CHD3: variants seen among roughly 807,000 people sequenced by gnomAD.
CHD3 encodes chromodomain helicase DNA binding protein 3.
CHD3 carries 52 observed loss-of-function variants against 248.9 expected under a neutral mutation model. The observed-to-expected ratio is 0.21, with a 90% CI of 0.17 to 0.26. CHD3 has a LOEUF of 0.26. Ranked by LOEUF, CHD3 falls within the 10% of genes least tolerant of loss-of-function variation. CHD3 has a pLI of 1.00. For synonymous variants in CHD3, 985 were observed against 985.2 expected (o/e 1.00, Z 0.00); for missense variants, 1,482 against 2,605.8 (o/e 0.57, Z 9.39).
Position 7,898,004 on chromosome 17 carries a change from A to G in CHD3, c.1953A>G (p.Val651=). ...AAAAGGGGAATTACCACTATCTAGTAAAATGGAGGGACTTACCATATGACC... is the reference window on the plus strand; with the variant it reads ...AAAAGGGGAATTACCACTATCTAGTGAAATGGAGGGACTTACCATATGACC... ...VDKKGNYHYL[V]KWRDLPYDQS... is the part of the protein sequence containing the mutation. Residue 651 remains valine, a synonymous_variant, in exon 12 of 40, where the codon GTA becomes GTG. Transcript: ENST00000330494. The G allele has an allele frequency of 6.2e-7, 1 of 1,614,126 alleles. No homozygotes were observed. Among genetic ancestry groups the G allele is most frequent in the Non-Finnish European group, 8.5e-7 (1 of 1,179,974 alleles).
rs1969245509 is a variant in CHD3 at position 7,893,850 on chromosome 17, G to A, written c.839G>A (p.Gly280Glu). ...RRSKSPRVPD[G>E]RKKLRGKKMA... ...AGTAAGAGCCCCCGAGTGCCTGATG[G>A]ACGCAAGAAGCTTCGGGGAAAGAAA... The change falls in exon 6 of 40, where the codon GGA (glycine) becomes GAA (glutamate). Residue 280 changes from glycine (G) to glutamate (E), a missense_variant. Around this residue, in one of 20 missense-constraint regions of CHD3, gnomAD observed 149 missense variants for 182.6 expected, o/e 0.82. Transcript: ENST00000330494. 1 of 1,614,150 alleles carries A rather than the reference G, an allele frequency of 6.2e-7. No individual in the cohort carries two copies. The highest frequency in any genetic ancestry group is 8.5e-7 in the Non-Finnish European group (1 of 1,180,032).
At chr17:7,885,152 G>A (rs1967595750), upstream of CHD3, 10 of 982,212 alleles carry the variant, frequency 1.0e-5, no homozygotes, top group Non-Finnish European at 1.2e-5. Flanking sequence ...CCGGGCGGGG[G>A]CGAGGCACCC....
chr17:7,890,821 G>A, intron 3 of CHD3, 80 bp downstream of exon 3: 1 of 1,581,726 alleles, frequency 6.3e-7, no homozygotes, highest in East Asian at 2.2e-5. Flanking sequence ...GACTGGACTG[G>A]AGAATGGGGC....
Position 7,897,412 on chromosome 17 carries a change from C to A in CHD3, c.1919+118C>A. The A allele has an allele frequency of 1.1e-6, 1 of 882,726 alleles. No homozygotes were observed. Among genetic ancestry groups the A allele is most frequent in the Non-Finnish European group, 1.8e-6 (1 of 570,766 alleles). The allele number at this position is 882,726 out of a possible 1,614,324, so 54.7% of individuals were successfully genotyped here. On this transcript the variant is annotated intron_variant, in intron 11 of 39. Coordinates refer to ENST00000330494, the MANE Select transcript of CHD3 (RefSeq NM_001005273.3). This position sits in a 1 kb window ranked among gnomAD's most constrained non-coding sequence, Gnocchi z 4.8. ...GTAATTGATCTAACCTTGATAACCT[C>A]TGCTGTAGCTCCAGCCTTTCTGGCC...
Position 7,900,792 on chromosome 17 carries a change from G to C in CHD3, c.2979-60G>C, listed in dbSNP as rs1164258449. The C allele has an allele frequency of 1.2e-6, 2 of 1,610,438 alleles. No homozygotes were observed. Among genetic ancestry groups the C allele is most frequent in the African/African-American group, 1.3e-5 (1 of 74,744 alleles). ...GGGGATTGATGGGAGCGTTCCAAGTGCAATATCATAATTGCTTCCTTTATT... is the reference window on the plus strand; with the variant it reads ...GGGGATTGATGGGAGCGTTCCAAGTCCAATATCATAATTGCTTCCTTTATT... On this transcript the variant is annotated intron_variant, in intron 18 of 39. Transcript: ENST00000330494. The surrounding 1 kb of genome is among the most constrained non-coding windows in gnomAD (Gnocchi z 6.5).
chr17:7,888,763 T>G, upstream of CHD3: 1 of 1,355,182 alleles, frequency 7.4e-7, no homozygotes, highest in Non-Finnish European at 9.5e-7. Context: ...TGAGAAGGCA[T>G]ATGCTGGGTG....
At position 7,911,055 on chromosome 17, in the gene CHD3, C is replaced by T. The variant is rs910889881; in HGVS notation, c.5881+82C>T. ...TTTCTGCTCAGCTGCCCTTTAACTGCTCTAGTCCATCTCATTTCCTTGGTG... is the reference window on the plus strand; with the variant it reads ...TTTCTGCTCAGCTGCCCTTTAACTGTTCTAGTCCATCTCATTTCCTTGGTG... On this transcript the variant is annotated intron_variant, in intron 39 of 39. Coordinates refer to ENST00000330494, the MANE Select transcript of CHD3 (RefSeq NM_001005273.3). This position sits in a 1 kb window ranked among gnomAD's most constrained non-coding sequence, Gnocchi z 5.4. 1.9e-5 allele frequency: 30 copies of T among 1,561,076 alleles called. No individual in the cohort carries two copies. The Middle Eastern group carries it at 5.0e-4, about 26-fold the overall frequency.
At position 7,890,424 on chromosome 17, in the gene CHD3, A is replaced by G. The variant is rs570106053; in HGVS notation, c.214-147A>G. The G allele has an allele frequency of 3.2e-4, 201 of 621,932 alleles. 1 individual carries two copies. The highest frequency in any genetic ancestry group is 3.0e-3 in the South Asian group (126 of 42,062). 38.5% of individuals were successfully genotyped at this position (621,932 alleles called of 1,614,324 possible). A position where few individuals can be genotyped will look rare whatever the true frequency, so the allele number is the denominator to read the frequency against. On this transcript the variant is annotated intron_variant, in intron 2 of 39. Coordinates refer to ENST00000330494, the MANE Select transcript of CHD3 (RefSeq NM_001005273.3). ...AGCATGGGTGACAGAGCAAGACTCC[A>G]TCTCCAAAAAAAAAAAGGAGATAAA...
At position 7,907,471 on chromosome 17, in the gene CHD3, G is replaced by C; in HGVS notation, c.4907G>C (p.Gly1636Ala). 6.3e-7 allele frequency: 1 copy of C among 1,597,854 alleles called. No individual in the cohort carries two copies. The highest frequency in any genetic ancestry group is 8.5e-7 in the Non-Finnish European group (1 of 1,173,282). ...ATGGAGCCTGAACCTGGGTACCGTG[G>C]GGACAGAGAGAAGTCAGGTGGGTGC... Reference protein sequence around the residue: ...GEMEPEPGYRGDREKSATEST... With the variant: ...GEMEPEPGYRADREKSATEST... Residue 1636 changes from glycine (G) to alanine (A), a missense_variant, in exon 32 of 40, where the codon GGG (glycine) becomes GCG (alanine). Coordinates refer to ENST00000330494, the MANE Select transcript of CHD3 (RefSeq NM_001005273.3). This position sits in a 1 kb window ranked among gnomAD's most constrained non-coding sequence, Gnocchi z 4.3.
In CHD3 at chr17:7,901,159, G is replaced by A. The variant is rs764782731; in HGVS notation, c.3121-85G>A. 158 of 1,525,030 alleles carry A rather than the reference G, an allele frequency of 1.0e-4. 1 individual carries two copies. Among genetic ancestry groups the A allele is most frequent in the Non-Finnish European group, 1.2e-4 (136 of 1,133,928 alleles). The allele number at this position is 1,525,030 out of a possible 1,614,324, so 94.5% of individuals were successfully genotyped here. On this transcript the variant is annotated intron_variant, in intron 19 of 39. Transcript: ENST00000330494. Reference sequence around the variant, plus strand: ...TTGGGAACATGTGGAAGCTGGATCCGGGCATCTGGCCTTCTAGGTGTGGCA... The same window carrying A: ...TTGGGAACATGTGGAAGCTGGATCCAGGCATCTGGCCTTCTAGGTGTGGCA...
rs750700699 is a variant in CHD3, at chr17:7,897,195, G to A, written c.1820G>A (p.Arg607His). 22 of 1,614,048 alleles carry A rather than the reference G, an allele frequency of 1.4e-5. No individual in the cohort carries two copies. Among genetic ancestry groups the A allele is most frequent in the Middle Eastern group, 1.6e-4 (1 of 6,084 alleles). ...SGEDDGKSDK[R>H]KVKDPHYAEM... ...GAGGATGATGGGAAGAGCGACAAGCGTAAAGTGAAAGACCCGCACTATGCT... is the reference window on the plus strand; with the variant it reads ...GAGGATGATGGGAAGAGCGACAAGCATAAAGTGAAAGACCCGCACTATGCT... Residue 607 changes from arginine (R) to histidine (H), a missense_variant, in exon 11 of 40, where the codon CGT becomes CAT. Arg to His is a conservative substitution (Grantham distance 29). Around this residue, in one of 20 missense-constraint regions of CHD3, gnomAD observed 127 missense variants for 188.3 expected, o/e 0.67. Coordinates refer to ENST00000330494, the MANE Select transcript of CHD3 (RefSeq NM_001005273.3). This position sits in a 1 kb window ranked among gnomAD's most constrained non-coding sequence, Gnocchi z 4.8.
At chr17:7,893,173 A>G in intron 4 of CHD3, 113 bp from the exon 5 acceptor site, 1 of 1,420,294 alleles carries the variant, frequency 7.0e-7, no homozygotes, top group Admixed American at 3.1e-5. Flanking sequence ...AATAGGACAT[A>G]TTCTCACCAC....
At position 7,889,508 on chromosome 17, in the gene CHD3, C is replaced by T. The variant is rs9889381; in HGVS notation, c.101-156C>T. Among the ~76,000 whole-genome samples, 6,465 of 152,266 alleles carry T rather than the reference C, an allele frequency of 0.042. 485 individuals are homozygous for T. Among genetic ancestry groups the T allele is most frequent in the African/African-American group, 0.15 (6,073 of 41,512 alleles). On this transcript the variant is annotated intron_variant, in intron 1 of 39. Coordinates refer to ENST00000330494, the MANE Select transcript of CHD3 (RefSeq NM_001005273.3). The surrounding 1 kb of genome is among the most constrained non-coding windows in gnomAD (Gnocchi z 4.5). Reference sequence around the variant, plus strand: ...CCAGAGCATCCCAGAGTACTCGAAACACTTTCTGTTTGCATCCAGTGAAGG... The same window carrying T: ...CCAGAGCATCCCAGAGTACTCGAAATACTTTCTGTTTGCATCCAGTGAAGG...
rs1461717336 is a variant in CHD3, at chr17:7,908,472, C to T, written c.5223C>T (p.His1741=). The stretch of plus-strand genomic sequence containing the variant: ...CGGGGAAACTCAATGAGATCTGGCA[C>T]AGAAGACATGACTATTGGCTTCTGG... ...ISSGKLNEIW[H]RRHDYWLLAG... The change falls in exon 35 of 40, where the codon CAC becomes CAT. Residue 1741 remains histidine, a synonymous_variant. Coordinates refer to ENST00000330494, the MANE Select transcript of CHD3 (RefSeq NM_001005273.3). The surrounding 1 kb of genome is among the most constrained non-coding windows in gnomAD (Gnocchi z 5.8). The T allele has an allele frequency of 6.2e-7, 1 of 1,613,774 alleles. No homozygotes were observed. Among genetic ancestry groups the T allele is most frequent in the Non-Finnish European group, 8.5e-7 (1 of 1,179,914 alleles).
At chr17:7,884,893 C>T, upstream of CHD3, 1 of 1,280,718 alleles carries the variant, frequency 7.8e-7, no homozygotes, top group Non-Finnish European at 1.0e-6. Context: ...AAGAGGGCGA[C>T]GAGGAGGAGG....
chr17:7,895,009 T>C lies in CHD3; in HGVS notation c.1362T>C (p.Asp454=). The change falls in exon 9 of 40, where the codon GAT becomes GAC. Residue 454 remains aspartate (D), a synonymous_variant. Transcript: ENST00000330494. The surrounding 1 kb of genome is among the most constrained non-coding windows in gnomAD (Gnocchi z 4.9). ...AAGGGGAGAAGGAGGAGGAGGATGA[T>C]CACATGGAGTACTGCCGCGTATGCA... ...EEEGEKEEED[D]HMEYCRVCKD... The C allele has an allele frequency of 6.2e-7, 1 of 1,614,046 alleles. No individual in the cohort carries two copies. The highest frequency in any genetic ancestry group is 1.1e-5 in the South Asian group (1 of 91,082).
chr17:7,890,717 G>C lies in CHD3; in HGVS notation c.360G>C (p.Lys120Asn). ...AGAAGAAGACAAAGCGGCGGAAAAA[G>C]GGGGAGGGAGATGGGGGGCAAAAGG... is the stretch of plus-strand genomic sequence containing the variant. ...KKEKKTKRRK[K>N]GEGDGGQKQV... The change falls in exon 3 of 40, where the codon AAG becomes AAC. Residue 120 changes from lysine to asparagine, a missense_variant. Lys to Asn is a moderately conservative substitution (Grantham distance 94). Transcript: ENST00000330494. 1 of 1,589,450 alleles carries C rather than the reference G, an allele frequency of 6.3e-7. No homozygotes were observed. The highest frequency in any genetic ancestry group is 8.5e-7 in the Non-Finnish European group (1 of 1,170,582).
At chr17:7,894,690 G>GC in intron 8 of CHD3, 82 bp downstream of exon 8, 2 of 1,456,472 alleles carry the variant, frequency 1.4e-6, no homozygotes, top group Non-Finnish European at 1.9e-6. Context: ...CCCTCTTCCT[G>GC]CCCCCAGATG....
chr17:7,907,450 A>G lies in CHD3; in HGVS notation c.4886A>G (p.Glu1629Gly), dbSNP rs1168820633. ...DEVPGVPGEM[E>G]PEPGYRGDRE... ...GTGCCAGGGGTGCCTGGAGAGATGGAGCCTGAACCTGGGTACCGTGGGGAC... is the reference window on the plus strand; with the variant it reads ...GTGCCAGGGGTGCCTGGAGAGATGGGGCCTGAACCTGGGTACCGTGGGGAC... Residue 1629 changes from glutamate (E) to glycine (G), a missense_variant, in exon 32 of 40, where the codon GAG (glutamate) becomes GGG (glycine). Physicochemically the swap from Glu to Gly is moderately conservative, Grantham distance 98 (BLOSUM62 -2). Transcript: ENST00000330494. The surrounding 1 kb of genome is among the most constrained non-coding windows in gnomAD (Gnocchi z 4.3). 3.7e-6 allele frequency: 6 copies of G among 1,609,656 alleles called. No individual in the cohort carries two copies. The East Asian group carries it at 1.3e-4, about 36-fold the overall frequency.
Sources: allele counts gnomAD v4.1 joint callset (sites outside exome capture counted in the v4.1 genomes callset), GRCh38; gene constraint gnomAD v4.1.1; regional missense constraint gnomAD v4.1.1; non-coding constraint Gnocchi (gnomAD v3.1); transcripts MANE v1.5; gene names NCBI Gene and HGNC (gene_info 2026-07-23, HGNC 2026-07-21).